CCDC178: variants seen among roughly 807,000 people sequenced by gnomAD.
CCDC178 encodes the protein coiled-coil domain-containing protein 178.
A neutral mutation model predicts 117.4 loss-of-function variants in CCDC178; 126 were observed. That is an observed-to-expected ratio of 1.07 (90% CI 0.93 to 1.24). CCDC178 has a LOEUF of 1.24. Among genes scored for constraint, CCDC178 ranks in the 50% most tolerant of loss-of-function variants. The probability of loss-of-function intolerance (pLI) is 0.00; values close to 1 mark genes in which losing one functional copy is unlikely to be tolerated. For synonymous variants in CCDC178, 283 were observed against 313.4 expected, an observed-to-expected ratio of 0.90 and a Z score of 1.02; for missense variants, 1,030 against 986.9, an observed-to-expected ratio of 1.04 and a Z score of -0.59.
intron 20 of CCDC178, among the ~76,000 whole-genome samples, chr18:33,143,818 T>C (rs1568014956): frequency 6.6e-6 from 1 of 152,168 alleles, no homozygotes. Context: ...TCATTCCTTA[T>C]ATTCTCTACA....
chr18:33,012,787 G>A (rs2055897881), intron 21 of CCDC178, among the ~76,000 whole-genome samples: 1 of 151,816 alleles, frequency 6.6e-6, no homozygotes, highest in African/African-American at 2.4e-5. Context: ...CCATAATATT[G>A]GAAACTAGAC....
chr18:33,306,694 A>G (rs2062259659), intron 11 of CCDC178, among the ~76,000 whole-genome samples: 1 of 151,058 alleles, frequency 6.6e-6, no homozygotes, highest in Admixed American at 6.6e-5. Flanking sequence ...TTAAATTCAA[A>G]TACTCTTCAA....
At chr18:33,121,402 C>A (rs1380254394) in intron 20 of CCDC178, among the ~76,000 whole-genome samples, 5 of 152,080 alleles carry the variant, frequency 3.3e-5, no homozygotes, top group African/African-American at 1.2e-4. Flanking sequence ...AGCTAGTCCC[C>A]ATAATACTGT....
chr18:33,269,757 C>A (rs2059864204), intron 12 of CCDC178, among the ~76,000 whole-genome samples: 1 of 151,662 alleles, frequency 6.6e-6, no homozygotes, highest in South Asian at 2.1e-4. Context: ...GCAACAGGAA[C>A]AAATCCTGAG....
chr18:32,991,048 A>C (rs1313260834), intron 21 of CCDC178, among the ~76,000 whole-genome samples: 1 of 151,674 alleles, frequency 6.6e-6, no homozygotes, highest in Non-Finnish European at 1.5e-5. Flanking sequence ...TTTAATGAGC[A>C]TTTGCTATAT....
Position 33,135,612 on chromosome 18 carries a change from A to C in CCDC178, c.2239-42702T>G, listed in dbSNP as rs867868992. 8.2e-4 allele frequency among the ~76,000 whole-genome samples: 125 copies of C among 152,332 alleles called. 1 individual carries two copies. The highest frequency in any genetic ancestry group is 2.7e-3 in the African/African-American group (113 of 41,588). ...GTAACTGATCTAGTCTGTTTCTTTA[A>C]TGTGATAACTTTCAGATATATGGTA... On this transcript the variant is annotated intron_variant, in intron 20 of 22. Transcript: ENST00000383096.
At chr18:33,320,160 T>A (rs1156267009) in intron 11 of CCDC178, among the ~76,000 whole-genome samples, 2 of 152,166 alleles carry the variant, frequency 1.3e-5, no homozygotes, top group Non-Finnish European at 2.9e-5. Flanking sequence ...AAAACTGGAC[T>A]CATTGCCTTT....
At chr18:33,049,751 C>A (rs1290733707) in intron 21 of CCDC178, among the ~76,000 whole-genome samples, 1 of 152,050 alleles carries the variant, frequency 6.6e-6, no homozygotes, top group Admixed American at 6.6e-5. Context: ...TTTCTGTTCA[C>A]CCTCAACAGA....
intron 22 of CCDC178, among the ~76,000 whole-genome samples, chr18:32,946,086 C>A (rs1276058891): frequency 3.3e-5 from 5 of 152,156 alleles, no homozygotes; most frequent in African/African-American, 9.7e-5. Flanking sequence ...CAAGAAAAAT[C>A]TCGTGTTTGG....
intron 10 of CCDC178, 102 bp from the exon 11 acceptor site, chr18:33,323,735 A>G: frequency 1.4e-6 from 1 of 690,960 alleles, no homozygotes; most frequent in Non-Finnish European, 2.1e-6. Context: ...AGTTCTTTAG[A>G]AACATTTTCT....
chr18:33,057,759 G>C (rs1328452885), intron 21 of CCDC178, among the ~76,000 whole-genome samples: 1 of 152,128 alleles, frequency 6.6e-6, no homozygotes, highest in African/African-American at 2.4e-5. Flanking sequence ...CTCCCAAAAT[G>C]CTGAGATTAC....
chr18:33,249,088 T>C (rs565779064), intron 14 of CCDC178, among the ~76,000 whole-genome samples: 216 of 152,278 alleles, frequency 1.4e-3, no homozygotes, highest in African/African-American at 4.9e-3. Context: ...TCTGTTCATA[T>C]CCTTCACCCA....
intron 11 of CCDC178, among the ~76,000 whole-genome samples, chr18:33,321,070 A>G (rs542994133): frequency 1.1e-4 from 17 of 152,304 alleles, no homozygotes; most frequent in African/African-American, 3.8e-4. Context: ...CCTTCCTTAC[A>G]CCTTATACAA....
rs746885119 is a variant in CCDC178, at chr18:33,267,255, G to C, written c.1219C>G (p.Gln407Glu). The C allele has an allele frequency of 9.3e-6, 15 of 1,604,684 alleles. No homozygotes were observed. In the South Asian group the frequency reaches 1.7e-4, roughly 18 times the overall value. Residue 407 changes from glutamine to glutamate, a missense_variant, in exon 13 of 23, where the codon CAA becomes GAA. Transcript: ENST00000383096. The stretch of plus-strand genomic sequence containing the variant: ...AGATACTGATTTTCATGACTTTTTT[G>C]CTTCCAGGTTAGTTGGTCATAAACT... ...RRVYDQLTWK[Q>E]KSHENQYLEA...
At chr18:33,166,497 TA>T (rs1322864399) in intron 20 of CCDC178, among the ~76,000 whole-genome samples, 1 of 152,076 alleles carries the variant, frequency 6.6e-6, no homozygotes, top group Non-Finnish European at 1.5e-5. Flanking sequence ...TTAGAGCCCT[TA>T]AACTCGTTTT....
intron 20 of CCDC178, among the ~76,000 whole-genome samples, chr18:33,143,992 C>T (rs886838152): frequency 4.6e-5 from 7 of 151,956 alleles, no homozygotes; most frequent in African/African-American, 1.7e-4. Context: ...CATAAACATG[C>T]CATAAATTTA....
At chr18:33,330,102 A>AATGT (rs2062644775) in intron 10 of CCDC178, among the ~76,000 whole-genome samples, 1 of 151,238 alleles carries the variant, frequency 6.6e-6, no homozygotes, top group African/African-American at 2.4e-5. Context: ...TTACTATCTC[A>AATGT]ATGTATGTAT....
At chr18:33,007,617 A>G (rs1028684189) in intron 21 of CCDC178, among the ~76,000 whole-genome samples, 4 of 152,124 alleles carry the variant, frequency 2.6e-5, no homozygotes, top group African/African-American at 9.7e-5. Flanking sequence ...ATTGGTCCTC[A>G]TATTGCTGAC....
intron 21 of CCDC178, among the ~76,000 whole-genome samples, chr18:33,043,967 A>C (rs946054376): frequency 1.3e-5 from 2 of 151,606 alleles, no homozygotes; most frequent in Admixed American, 6.6e-5. Flanking sequence ...ATATTAAAAT[A>C]ATAAGAGTTT....
Sources: allele counts gnomAD v4.1 joint callset (sites outside exome capture counted in the v4.1 genomes callset), GRCh38; gene constraint gnomAD v4.1.1; transcripts MANE v1.5; gene names NCBI Gene and HGNC (gene_info 2026-07-23, HGNC 2026-07-21).